The following TIAM2 variants were observed in gnomAD, a reference collection of about 807,000 sequenced individuals.
TIAM2 encodes the protein TIAM Rac1 associated GEF 2.
In TIAM2, 80 loss-of-function variants were observed where a neutral mutation model predicts 152.9. The ratio of observed to expected loss-of-function variants is 0.52; its 90% CI spans 0.44 to 0.63. The LOEUF (loss-of-function observed/expected upper bound fraction) is 0.63. TIAM2 is among the 30% of genes least tolerant of loss of function. The pLI is 0.00. For synonymous variants in TIAM2, 804 were observed against 838.0 expected (o/e 0.96, Z 0.70); for missense variants, 1,965 against 2,120.1 (o/e 0.93, Z 1.44).
intron 14 of TIAM2, among the ~76,000 whole-genome samples, chr6:155,205,714 G>T (rs1306257421): frequency 2.6e-5 from 4 of 152,140 alleles, no homozygotes; most frequent in Admixed American, 6.6e-5. Context: ...ATGCTGGCAG[G>T]GACACCACCA....
chr6:155,154,365 C>T (rs116658624), intron 7 of TIAM2, among the ~76,000 whole-genome samples: 223 of 152,224 alleles, frequency 1.5e-3, no homozygotes, highest in African/African-American at 4.7e-3. Context: ...AATAAAAAGG[C>T]ACTATCGCAG....
In TIAM2 at chr6:155,129,534, A is replaced by G. The variant is rs1425852040; in HGVS notation, c.311A>G (p.Gln104Arg). Residue 104 changes from glutamine (Q) to arginine (R), a missense_variant, in exon 4 of 27, where the codon CAG becomes CGG. This residue lies in a region of TIAM2 where 1,025 missense variants were observed against 1,119.4 expected (regional missense o/e 0.92). Coordinates refer to ENST00000682666, the MANE Select transcript of TIAM2 (RefSeq NM_012454.4). This position sits in a 1 kb window ranked among gnomAD's most constrained non-coding sequence, Gnocchi z 4.8. Reference protein sequence around the residue: ...HRTNAPGKDFQGISAAFSTEN... With the variant: ...HRTNAPGKDFRGISAAFSTEN... Reference sequence around the variant, plus strand: ...ACAAATGCCCCAGGGAAGGATTTCCAGGGCATCAGTGCTGCTTTCTCAACT... The same window carrying G: ...ACAAATGCCCCAGGGAAGGATTTCCGGGGCATCAGTGCTGCTTTCTCAACT... 3 of 1,614,154 alleles carry G rather than the reference A, an allele frequency of 1.9e-6. No individual in the cohort carries two copies. In the Admixed American group the frequency reaches 5.0e-5, roughly 27 times the overall value.
chr6:155,175,759 G>A (rs1165052194), intron 9 of TIAM2, among the ~76,000 whole-genome samples: 1 of 152,154 alleles, frequency 6.6e-6, no homozygotes, highest in African/African-American at 2.4e-5. Flanking sequence ...TGCTATTTTT[G>A]TTATGAATTA....
chr6:155,250,378 T>G (rs1306776699), intron 21 of TIAM2, among the ~76,000 whole-genome samples: 1 of 151,914 alleles, frequency 6.6e-6, no homozygotes, highest in Non-Finnish European at 1.5e-5. Flanking sequence ...ACATTTTCTG[T>G]ATTTTTCCTT....
chr6:155,188,079 A>G (rs1169950305), intron 14 of TIAM2, among the ~76,000 whole-genome samples: 1 of 152,140 alleles, frequency 6.6e-6, no homozygotes, highest in African/African-American at 2.4e-5. Flanking sequence ...GGTTTTGAGG[A>G]TGGAATGAGA....
At chr6:155,114,036 A>ATATTTTTTTTTTTTTTTTTTT in intron 2 of TIAM2, among the ~76,000 whole-genome samples, 13 of 34,906 alleles carry the variant, frequency 3.7e-4, no homozygotes, top group Admixed American at 6.5e-4. Context: ...ATATATATAT[A>ATATTTTTTTTTTTTTTTTTTT]TTTTTTTTTT....
intron 2 of TIAM2, among the ~76,000 whole-genome samples, chr6:155,096,582 C>T (rs117583134): frequency 0.014 from 2,200 of 152,074 alleles, 30 homozygotes; most frequent in Non-Finnish European, 0.019. Flanking sequence ...TTTTTTTTAT[C>T]TCCCACATGT....
chr6:155,164,725 G>T (rs1780374577), intron 8 of TIAM2, 125 bp downstream of exon 8: 1 of 1,186,086 alleles, frequency 8.4e-7, no homozygotes, highest in Non-Finnish European at 1.2e-6. Context: ...TAGAGGCCAG[G>T]TCACCCAGAG....
intron 15 of TIAM2, among the ~76,000 whole-genome samples, chr6:155,217,907 T>C (rs1562357625): frequency 6.6e-6 from 1 of 152,264 alleles, no homozygotes; most frequent in Non-Finnish European, 1.5e-5. Flanking sequence ...GCATTTAGTA[T>C]TTAATTTCTG....
At chr6:155,088,588 T>C (rs1778224795) in intron 1 of TIAM2, among the ~76,000 whole-genome samples, 1 of 78,894 alleles carries the variant, frequency 1.3e-5, no homozygotes, top group African/African-American at 4.9e-5. Context: ...CATTTTATAG[T>C]TGAAGAAACC....
At chr6:155,208,974 C>T (rs915053344) in intron 14 of TIAM2, among the ~76,000 whole-genome samples, 1 of 152,054 alleles carries the variant, frequency 6.6e-6, no homozygotes, top group Non-Finnish European at 1.5e-5. Flanking sequence ...TCCCCTCTCC[C>T]CGCTGCCCAC....
chr6:155,147,201 A>G (rs1413788185), intron 6 of TIAM2, among the ~76,000 whole-genome samples: 2 of 141,138 alleles, frequency 1.4e-5, no homozygotes, highest in East Asian at 4.1e-4. Context: ...TATTGAGGCC[A>G]TACTGTAGAT....
At chr6:155,047,467 A>T (rs1777202323) in intron 1 of TIAM2, among the ~76,000 whole-genome samples, 1 of 152,146 alleles carries the variant, frequency 6.6e-6, no homozygotes, top group South Asian at 2.1e-4. Context: ...TGTGTCAGCC[A>T]CTGTGCTTGG....
At chr6:155,036,909 C>A (rs560284133) in intron 1 of TIAM2, among the ~76,000 whole-genome samples, 1 of 152,126 alleles carries the variant, frequency 6.6e-6, no homozygotes, top group Non-Finnish European at 1.5e-5. Flanking sequence ...TGAGCCACCG[C>A]GCCTGGCCTG....
chr6:155,168,709 A>C (rs1239729756), intron 9 of TIAM2: 1 of 723,636 alleles, frequency 1.4e-6, no homozygotes, highest in African/African-American at 1.8e-5. Context: ...AGTGTATTAG[A>C]ATAATGATAC....
chr6:155,129,588 A>G lies in TIAM2; in HGVS notation c.365A>G (p.Glu122Gly), dbSNP rs1353845810. 3 of 1,614,014 alleles carry G rather than the reference A, an allele frequency of 1.9e-6. No individual in the cohort carries two copies. Among genetic ancestry groups the G allele is most frequent in the Non-Finnish European group, 2.5e-6 (3 of 1,180,026 alleles). The change falls in exon 4 of 27, where the codon GAG (glutamate) becomes GGG (glycine). Residue 122 changes from glutamate (E) to glycine (G), a missense_variant. Glu to Gly is a moderately conservative substitution (Grantham distance 98). Coordinates refer to ENST00000682666, the MANE Select transcript of TIAM2 (RefSeq NM_012454.4). The surrounding 1 kb of genome is among the most constrained non-coding windows in gnomAD (Gnocchi z 4.8). ...AATGGCTTCCACTCTGTTGGCCACG[A>G]GCTGGCAGATAACCACATCACCTCC... ...TENGFHSVGH[E>G]LADNHITSRD...
chr6:155,002,371 A>G (rs1050928768), intron 1 of TIAM2, among the ~76,000 whole-genome samples: 4 of 152,188 alleles, frequency 2.6e-5, no homozygotes, highest in African/African-American at 9.6e-5. Context: ...TGATCACGCC[A>G]CTGTACTCCA....
chr6:155,000,712 C>A (rs555918080), intron 1 of TIAM2, among the ~76,000 whole-genome samples: 1 of 152,242 alleles, frequency 6.6e-6, no homozygotes, highest in Non-Finnish European at 1.5e-5. Flanking sequence ...CGTTCAGGCA[C>A]CTTGGCTTAC....
At chr6:155,067,074 C>A (rs566198928) in intron 1 of TIAM2, among the ~76,000 whole-genome samples, 16 of 152,282 alleles carry the variant, frequency 1.1e-4, no homozygotes, top group Non-Finnish European at 1.9e-4. Flanking sequence ...GTCTTCCCAG[C>A]CTGCTGGATT....
Sources: allele counts gnomAD v4.1 joint callset (sites outside exome capture counted in the v4.1 genomes callset), GRCh38; gene constraint gnomAD v4.1.1; regional missense constraint gnomAD v4.1.1; non-coding constraint Gnocchi (gnomAD v3.1); transcripts MANE v1.5; gene names NCBI Gene and HGNC (gene_info 2026-07-23, HGNC 2026-07-21).